The following MAT1A variants were observed in gnomAD, a reference collection of about 807,000 sequenced individuals.
The protein encoded by MAT1A is S-adenosylmethionine synthase isoform type-1.
In MAT1A, 19 loss-of-function variants were observed where a neutral mutation model predicts 44.0. The ratio of observed to expected loss-of-function variants is 0.43; its 90% CI spans 0.30 to 0.63. MAT1A has a LOEUF of 0.63. Ranked by LOEUF, MAT1A falls within the 30% of genes least tolerant of loss-of-function variation. The pLI is 0.12. For missense variants in MAT1A, 397 were observed against 531.0 expected (o/e 0.75, Z 2.48); for synonymous variants, 205 against 205.6 (o/e 1.00, Z 0.03).
intron 1 of MAT1A, among the ~76,000 whole-genome samples, chr10:80,286,182 G>A (rs1438760830): frequency 4.0e-5 from 6 of 151,866 alleles, no homozygotes; most frequent in East Asian, 1.9e-4. Flanking sequence ...AAACACACAC[G>A]CATTCTTCTA....
intron 8 of MAT1A, 144 bp downstream of exon 8, chr10:80,274,376 G>T: frequency 2.6e-6 from 3 of 1,167,794 alleles, no homozygotes; most frequent in Non-Finnish European, 3.8e-6. Flanking sequence ...CACTGGGGAT[G>T]CACTGTGCTG....
At position 80,275,126 on chromosome 10, in the gene MAT1A, GC is replaced by G. The variant is rs1448513452; in HGVS notation, c.841del (p.Ala281ProfsTer10). The G allele has an allele frequency of 3.1e-6, 5 of 1,612,140 alleles. No individual in the cohort carries two copies. The highest frequency in any genetic ancestry group is 4.2e-6 in the Non-Finnish European group (5 of 1,179,354). On this transcript the variant is annotated frameshift_variant, in exon 7 of 9. Coordinates refer to ENST00000372213, the MANE Select transcript of MAT1A (RefSeq NM_000429.3). LOFTEE classifies it high-confidence loss of function. ...CTTGGTGTAGTCCTTCCCAGAGAAGGCCCCACCACCATGAGCCCCCCAGCCG... is the reference window on the plus strand; with the variant it reads ...CTTGGTGTAGTCCTTCCCAGAGAAGGCCCACCACCATGAGCCCCCCAGCCG... Reference protein sequence around the residue: ...YGGWGAHGGGAFSGKDYTKVD... With the variant: ...YGGWGAHGGGXFSGKDYTKVD...
At chr10:80,276,730 TG>T in intron 5 of MAT1A, 136 bp from the exon 6 acceptor site, 1 of 828,626 alleles carries the variant, frequency 1.2e-6, no homozygotes, top group South Asian at 1.3e-5. Flanking sequence ...CAAAGGGTGT[TG>T]GGGGAGTTAA....
At chr10:80,278,991 C>T (rs1327795903) in intron 5 of MAT1A, among the ~76,000 whole-genome samples, 1 of 152,210 alleles carries the variant, frequency 6.6e-6, no homozygotes, top group South Asian at 2.1e-4. Flanking sequence ...GAAATGATGT[C>T]GATTAAGCAA....
At position 80,275,188 on chromosome 10, in the gene MAT1A, A is replaced by G. The variant is rs369885862; in HGVS notation, c.780T>C (p.Gly260=). ...CCACAATAATCTTACGGCCAGTGAC[A>G]CCCGCATCCCCCTGCAGAGGGAGAG... ...FVIGGPQGDA[G]VTGRKIIVDT... Residue 260 remains glycine (G), a synonymous_variant, in exon 7 of 9, where the codon GGT becomes GGC. Transcript: ENST00000372213. 6.2e-7 allele frequency: 1 copy of G among 1,612,714 alleles called. No individual in the cohort carries two copies. Among genetic ancestry groups the G allele is most frequent in the Non-Finnish European group, 8.5e-7 (1 of 1,179,450 alleles).
At chr10:80,285,430 G>A in intron 2 of MAT1A, 82 bp downstream of exon 2, 1 of 1,159,490 alleles carries the variant, frequency 8.6e-7, no homozygotes, top group Non-Finnish European at 1.3e-6. Context: ...GAGGAGTATG[G>A]CTCGTTTGTC....
At position 80,272,898 on chromosome 10, in the gene MAT1A, A is replaced by G. The variant is rs576538244; in HGVS notation, c.*883T>C. 1.3e-5 allele frequency: 2 copies of G among 152,236 alleles called. No individual in the cohort carries two copies. The highest frequency in any genetic ancestry group is 2.9e-5 in the Non-Finnish European group (2 of 68,054). The allele number at this position is 152,236 out of a possible 1,614,324, so 9.4% of individuals were successfully genotyped here. On this transcript the variant is annotated 3_prime_UTR_variant, in exon 9 of 9. Coordinates refer to ENST00000372213, the MANE Select transcript of MAT1A (RefSeq NM_000429.3). ...AAAATAGCCCTGTGGTTCTGTCTTC[A>G]CTTTTCAGACAATTGCCCACGGCTC...
intron 4 of MAT1A, 64 bp downstream of exon 4, chr10:80,280,616 C>A (rs965564549): frequency 7.2e-7 from 1 of 1,384,924 alleles, no homozygotes; most frequent in Non-Finnish European, 1.0e-6. Flanking sequence ...GTGTGATTAA[C>A]CCACTGCTCA....
rs1254238978 is a variant in MAT1A, at chr10:80,273,711, GGCGTCT to G, written c.*64_*69del. The G allele has an allele frequency of 9.9e-6, 11 of 1,112,244 alleles. No individual in the cohort carries two copies. Among genetic ancestry groups the G allele is most frequent in the Admixed American group, 1.7e-5 (1 of 59,324 alleles). The allele number at this position is 1,112,244 out of a possible 1,614,324, so 68.9% of individuals were successfully genotyped here. A position where few individuals can be genotyped will look rare whatever the true frequency, so the allele number is the denominator to read the frequency against. On this transcript the variant is annotated 3_prime_UTR_variant, in exon 9 of 9. Coordinates refer to ENST00000372213, the MANE Select transcript of MAT1A (RefSeq NM_000429.3). ...GGGTGGGGAAGGCGATCAGCAGCCAGGCGTCTGGGGAAGAGGAGCATGGCCACCAGG... is the reference window on the plus strand; with the variant it reads ...GGGTGGGGAAGGCGATCAGCAGCCAGGGGGAAGAGGAGCATGGCCACCAGG...
At chr10:80,274,039 T>C (rs1181594208) in intron 8 of MAT1A, among the ~76,000 whole-genome samples, 156 bp from the exon 9 acceptor site, 1 of 152,194 alleles carries the variant, frequency 6.6e-6, no homozygotes, top group Non-Finnish European at 1.5e-5. Flanking sequence ...CCATCCTATC[T>C]GTGCCATACC....
At chr10:80,283,212 G>C (rs1012136382) in intron 3 of MAT1A, among the ~76,000 whole-genome samples, 1 of 152,218 alleles carries the variant, frequency 6.6e-6, no homozygotes. Flanking sequence ...CTCCGCACCT[G>C]GTGTCTGCTC....
At chr10:80,276,744 T>A in intron 5 of MAT1A, 150 bp from the exon 6 acceptor site, 2 of 784,172 alleles carry the variant, frequency 2.6e-6, no homozygotes, top group African/African-American at 1.7e-5. Flanking sequence ...GGAGTTAATC[T>A]GACACATTCT....
chr10:80,279,482 A>C (rs1841531232), intron 5 of MAT1A, among the ~76,000 whole-genome samples: 1 of 152,090 alleles, frequency 6.6e-6, no homozygotes, highest in African/African-American at 2.4e-5. Flanking sequence ...GAAGTTGTGC[A>C]GTATGAAGTG....
At chr10:80,275,277 A>G in intron 6 of MAT1A, 78 bp from the exon 7 acceptor site, 1 of 1,283,604 alleles carries the variant, frequency 7.8e-7, no homozygotes, top group Non-Finnish European at 1.1e-6. Context: ...CTGTGATGGC[A>G]GCTGAACTGC....
rs777706424 is a variant in MAT1A at position 80,273,500 on chromosome 10, C to G, written c.*281G>C. 2.3e-6 allele frequency: 1 copy of G among 431,854 alleles called. No homozygotes were observed. Among genetic ancestry groups the G allele is most frequent in the African/African-American group, 2.0e-5 (1 of 49,368 alleles). 26.8% of individuals were successfully genotyped at this position (431,854 alleles called of 1,614,324 possible). A position where few individuals can be genotyped will look rare whatever the true frequency, so the allele number is the denominator to read the frequency against. ...GGGGAGACGAGTGAGGGAATTCACT[C>G]TTGACGGGGGTGCCTTTTCCACTAA... On this transcript the variant is annotated 3_prime_UTR_variant, in exon 9 of 9. Coordinates refer to ENST00000372213, the MANE Select transcript of MAT1A (RefSeq NM_000429.3).
At chr10:80,283,843 G>A (rs947125012) in intron 3 of MAT1A, 73 bp downstream of exon 3, 39 of 1,608,788 alleles carry the variant, frequency 2.4e-5, no homozygotes, top group African/African-American at 9.4e-5. Context: ...TGAAAGGCAC[G>A]GGTTTGACTC....
chr10:80,281,544 G>A (rs1350611520), intron 3 of MAT1A, among the ~76,000 whole-genome samples: 1 of 151,794 alleles, frequency 6.6e-6, no homozygotes, highest in African/African-American at 2.4e-5. Flanking sequence ...CAGCTGTGCT[G>A]GGCTCAGTCA....
chr10:80,276,418 G>GT lies in MAT1A; in HGVS notation c.725dup (p.Tyr242Ter). The GT allele has an allele frequency of 1.2e-6, 2 of 1,614,184 alleles. No individual in the cohort carries two copies. Among genetic ancestry groups the GT allele is most frequent in the Non-Finnish European group, 1.7e-6 (2 of 1,180,040 alleles). The change falls in exon 6 of 9, where the codon TAC becomes TAAC. Residue 242 changes from tyrosine (Y) to a stop codon, truncating the protein, a stop_gained and frameshift_variant. Transcript: ENST00000372213. LOFTEE classifies it high-confidence loss of function. ...CAAACCGCCCACTGGGCTGCAGGTG[G>GT]TAGACGGTGTCTTCGTCCAGGTACT... ...PAKYLDEDTVYHLQPSGRFVI... is the reference protein window; with the variant it reads ...PAKYLDEDTV
At position 80,271,901 on chromosome 10, in the gene MAT1A, AC is replaced by A. The variant is rs1841413469; in HGVS notation, c.*1879del. 6.6e-6 allele frequency: 1 copy of A among 152,226 alleles called. No homozygotes were observed. The highest frequency in any genetic ancestry group is 2.1e-4 in the South Asian group (1 of 4,830). The allele number at this position is 152,226 out of a possible 1,614,324, so 9.4% of individuals were successfully genotyped here. A position where few individuals can be genotyped will look rare whatever the true frequency, so the allele number is the denominator to read the frequency against. On this transcript the variant is annotated 3_prime_UTR_variant, in exon 9 of 9. Transcript: ENST00000372213. The stretch of plus-strand genomic sequence containing the variant: ...GCTTTAGTTTCATACAAACAAACTG[AC>A]AAAAAAGATCTTATTTCTCTAGAGG...
Sources: gnomAD v4.1 joint callset for allele counts (sites outside exome capture counted in the v4.1 genomes callset) on GRCh38, gnomAD v4.1.1 for gene constraint, MANE v1.5 for transcripts, NCBI Gene and HGNC (gene_info 2026-07-23, HGNC 2026-07-21) for gene names.